Variants in SLC35F1 observed in about 807,000 individuals in gnomAD.
SLC35F1 encodes the protein solute carrier family 35 member F1.
Under a neutral mutation model 48.7 loss-of-function variants are expected in SLC35F1, and 14 were observed. The observed-to-expected ratio is 0.29, with a 90% CI of 0.19 to 0.45. The LOEUF (loss-of-function observed/expected upper bound fraction) is 0.45. SLC35F1 is among the 20% of genes least tolerant of loss of function. The pLI is 1.00. For synonymous variants in SLC35F1, 190 were observed against 202.2 expected, an observed-to-expected ratio of 0.94 and a Z score of 0.51; for missense variants, 404 against 500.0, an observed-to-expected ratio of 0.81 and a Z score of 1.83.
At chr6:117,999,150 C>A in intron 1 of SLC35F1, 12 of 1,592,688 alleles carry the variant, frequency 7.5e-6, no homozygotes, top group Non-Finnish European at 1.0e-5. Flanking sequence ...AAGATGCAGG[C>A]CAACAATGCC....
chr6:118,310,632 C>T (rs1464250900), intron 7 of SLC35F1, among the ~76,000 whole-genome samples: 3 of 151,906 alleles, frequency 2.0e-5, no homozygotes, highest in African/African-American at 7.3e-5. Context: ...AAAATGAAAA[C>T]TTTCTCTACC....
At chr6:118,184,557 T>C (rs372162520) in intron 2 of SLC35F1, among the ~76,000 whole-genome samples, 22 of 152,014 alleles carry the variant, frequency 1.4e-4, no homozygotes, top group East Asian at 9.6e-4. Flanking sequence ...CTAGGGAGGG[T>C]CCAGCAGGAA....
At chr6:118,170,456 T>C (rs1336733078) in intron 2 of SLC35F1, among the ~76,000 whole-genome samples, 3 of 152,204 alleles carry the variant, frequency 2.0e-5, no homozygotes, top group South Asian at 2.1e-4. Context: ...TTATTTTTCT[T>C]TGAGACAAGG....
chr6:118,068,050 T>A (rs1772642505), intron 1 of SLC35F1, among the ~76,000 whole-genome samples: 1 of 151,850 alleles, frequency 6.6e-6, no homozygotes, highest in Admixed American at 6.6e-5. Context: ...AAACCTAGAG[T>A]CCTGATTTCT....
chr6:118,235,721 A>G (rs1775356086), intron 3 of SLC35F1, 85 bp downstream of exon 3: 2 of 1,408,954 alleles, frequency 1.4e-6, no homozygotes, highest in African/African-American at 1.4e-5. Context: ...TCTCTATACT[A>G]CAAGTTACTA....
At position 118,316,718 on chromosome 6, in the gene SLC35F1, T is replaced by C. The variant is rs1776441843; in HGVS notation, c.*2466T>C. ...TTGCCATCTGAATTATTTTATAGGA[T>C]ATTTTAATTGACTCCATTGTATGGA... On this transcript the variant is annotated 3_prime_UTR_variant, in exon 8 of 8. Coordinates refer to ENST00000360388, the MANE Select transcript of SLC35F1 (RefSeq NM_001029858.4). The C allele has an allele frequency of 6.6e-6, 1 of 152,230 alleles. No homozygotes were observed. 9.4% of individuals were successfully genotyped at this position (152,230 alleles called of 1,614,324 possible). A position where few individuals can be genotyped will look rare whatever the true frequency, so the allele number is the denominator to read the frequency against.
intron 1 of SLC35F1, among the ~76,000 whole-genome samples, chr6:118,043,053 G>A (rs1041382763): frequency 1.3e-4 from 20 of 152,148 alleles, no homozygotes; most frequent in African/African-American, 4.1e-4. Flanking sequence ...TGTGTGTACT[G>A]TGCGGTTAGG....
chr6:117,927,863 A>C (rs773029160), intron 1 of SLC35F1, among the ~76,000 whole-genome samples: 6 of 152,168 alleles, frequency 3.9e-5, no homozygotes, highest in Non-Finnish European at 7.4e-5. Context: ...TTTCTATTGC[A>C]GCCATTAGAG....
intron 1 of SLC35F1, among the ~76,000 whole-genome samples, chr6:118,127,464 C>A (rs529307583): frequency 1.3e-5 from 2 of 151,894 alleles, no homozygotes; most frequent in East Asian, 1.9e-4. Context: ...TGTCTCTGCC[C>A]GGCTTTGGTA....
chr6:117,911,259 T>A (rs1775758341), intron 1 of SLC35F1, among the ~76,000 whole-genome samples: 1 of 152,196 alleles, frequency 6.6e-6, no homozygotes, highest in Non-Finnish European at 1.5e-5. Context: ...GGCAAAAGGA[T>A]GCAAGAAACA....
intron 3 of SLC35F1, among the ~76,000 whole-genome samples, chr6:118,236,202 T>C (rs1582744988): frequency 6.6e-6 from 1 of 152,138 alleles, no homozygotes; most frequent in South Asian, 2.1e-4. Flanking sequence ...ATAGCTACTG[T>C]GTTTCTTTCC....
chr6:117,916,524 G>A (rs2760235), intron 1 of SLC35F1, among the ~76,000 whole-genome samples: 2 of 152,126 alleles, frequency 1.3e-5, no homozygotes, highest in Non-Finnish European at 2.9e-5. Flanking sequence ...GTACCTATAA[G>A]GTGATGATGT....
chr6:118,296,908 C>A (rs971751301), intron 7 of SLC35F1, among the ~76,000 whole-genome samples: 7 of 152,132 alleles, frequency 4.6e-5, no homozygotes, highest in African/African-American at 1.7e-4. Flanking sequence ...TGTCAGCAGA[C>A]CTGTGTGGAT....
intron 2 of SLC35F1, among the ~76,000 whole-genome samples, chr6:118,189,905 C>T (rs919957973): frequency 1.3e-4 from 20 of 152,308 alleles, no homozygotes; most frequent in African/African-American, 4.8e-4. Flanking sequence ...GAACACTTGG[C>T]AGTGTATGAG....
At chr6:118,189,147 G>T (rs139515031) in intron 2 of SLC35F1, among the ~76,000 whole-genome samples, 2 of 152,048 alleles carry the variant, frequency 1.3e-5, no homozygotes, top group South Asian at 4.2e-4. Flanking sequence ...TCCTGGACTC[G>T]CAATCCTCCT....
intron 3 of SLC35F1, among the ~76,000 whole-genome samples, chr6:118,255,163 C>G (rs908087929): frequency 6.6e-6 from 1 of 152,134 alleles, no homozygotes; most frequent in Non-Finnish European, 1.5e-5. Flanking sequence ...ATTACTTAAG[C>G]TCATTTTATG....
intron 1 of SLC35F1, among the ~76,000 whole-genome samples, chr6:118,057,772 AT>A (rs1041645360): frequency 3.3e-5 from 5 of 152,174 alleles, no homozygotes; most frequent in African/African-American, 1.2e-4. Context: ...CAAGTTTGTG[AT>A]TTTTCATAGG....
chr6:118,196,176 T>G (rs1357376755), intron 2 of SLC35F1, among the ~76,000 whole-genome samples: 4 of 152,144 alleles, frequency 2.6e-5, no homozygotes. Flanking sequence ...TGAACACAGT[T>G]TGAACACTCA....
chr6:118,123,168 A>T (rs2114405725), intron 1 of SLC35F1, among the ~76,000 whole-genome samples: 1 of 152,246 alleles, frequency 6.6e-6, no homozygotes, highest in South Asian at 2.1e-4. Context: ...CCATCTATAA[A>T]CTAGAGATAA....
Sources: gnomAD v4.1 joint callset for allele counts (sites outside exome capture counted in the v4.1 genomes callset) on GRCh38, gnomAD v4.1.1 for gene constraint, MANE v1.5 for transcripts, NCBI Gene and HGNC (gene_info 2026-07-23, HGNC 2026-07-21) for gene names.